PHLPP2: variants seen among roughly 807,000 people sequenced by gnomAD.
PHLPP2 encodes PH domain and leucine rich repeat protein phosphatase 2, also known as PH domain leucine-rich repeat-containing protein phosphatase 2.
In PHLPP2, 66 loss-of-function variants were observed where a neutral mutation model predicts 124.9. The ratio of observed to expected loss-of-function variants is 0.53; its 90% confidence interval spans 0.43 to 0.65. The LOEUF (loss-of-function observed/expected upper bound fraction) is 0.65. PHLPP2 is among the 30% of genes least tolerant of loss of function. The pLI is 0.00. For missense variants in PHLPP2, 1,685 were observed against 1,600.4 expected (o/e 1.05, Z -0.90); for synonymous variants, 681 against 624.7 (o/e 1.09, Z -1.34).
chr16:71,667,588 C>T (rs1181728551), intron 11 of PHLPP2, among the ~76,000 whole-genome samples: 2 of 152,128 alleles, frequency 1.3e-5, no homozygotes, highest in Non-Finnish European at 2.9e-5. Context: ...GAGATCTATA[C>T]TAAAAAGGCA....
intron 3 of PHLPP2, among the ~76,000 whole-genome samples, chr16:71,692,338 G>GGATT (rs918687464): frequency 2.0e-5 from 3 of 152,018 alleles, no homozygotes; most frequent in Non-Finnish European, 2.9e-5. Context: ...CAAAGTGCTG[G>GGATT]GATTACAAGT....
At chr16:71,714,289 C>T (rs889484125) in intron 2 of PHLPP2, among the ~76,000 whole-genome samples, 2 of 152,070 alleles carry the variant, frequency 1.3e-5, no homozygotes, top group Admixed American at 1.3e-4. Context: ...GATATCTGAC[C>T]TATGGTGTAT....
chr16:71,717,831 T>C (rs1354638700), intron 1 of PHLPP2, among the ~76,000 whole-genome samples: 1 of 152,202 alleles, frequency 6.6e-6, no homozygotes, highest in Non-Finnish European at 1.5e-5. Flanking sequence ...AGAACAACTT[T>C]CTAAGGTCAA....
chr16:71,653,839 T>C (rs537084168), intron 17 of PHLPP2, among the ~76,000 whole-genome samples: 1 of 152,272 alleles, frequency 6.6e-6, no homozygotes, highest in East Asian at 1.9e-4. Context: ...CTTTGTGTTA[T>C]GACAGATAAA....
chr16:71,672,670 T>C (rs1168256028), intron 9 of PHLPP2, among the ~76,000 whole-genome samples: 1 of 152,190 alleles, frequency 6.6e-6, no homozygotes. Flanking sequence ...ATAACAAAAA[T>C]ACAGAAGAGT....
chr16:71,672,178 T>G, intron 10 of PHLPP2, 84 bp downstream of exon 10: 1 of 908,922 alleles, frequency 1.1e-6, no homozygotes, highest in Admixed American at 2.1e-5. Context: ...TACTTAGATT[T>G]CTTGTACATC....
chr16:71,653,120 T>G, intron 17 of PHLPP2, 99 bp from the exon 18 acceptor site: 1 of 606,610 alleles, frequency 1.6e-6, no homozygotes, highest in Non-Finnish European at 2.7e-6. Flanking sequence ...TTTTTTTTTT[T>G]ACCATGTGAT....
chr16:71,714,151 G>A (rs2045342123), intron 2 of PHLPP2, among the ~76,000 whole-genome samples: 1 of 152,008 alleles, frequency 6.6e-6, no homozygotes, highest in Non-Finnish European at 1.5e-5. Flanking sequence ...TGTTGACCAG[G>A]CTGGTCTCGA....
intron 1 of PHLPP2, among the ~76,000 whole-genome samples, chr16:71,717,171 G>A (rs999435126): frequency 6.6e-6 from 1 of 152,186 alleles, no homozygotes; most frequent in South Asian, 2.1e-4. Context: ...AATACTTTCA[G>A]TAGTATTCCT....
chr16:71,668,458 G>A (rs181108274), intron 11 of PHLPP2, among the ~76,000 whole-genome samples: 15 of 146,986 alleles, frequency 1.0e-4, no homozygotes, highest in African/African-American at 3.7e-4. Context: ...GAAGGCTCTG[G>A]AGTAAAAACG....
intron 5 of PHLPP2, among the ~76,000 whole-genome samples, chr16:71,683,200 T>C (rs2045019791): frequency 2.6e-5 from 4 of 151,830 alleles, no homozygotes. Flanking sequence ...AAGTCATTCA[T>C]GTTTTGATGG....
chr16:71,678,377 G>A, intron 8 of PHLPP2: 1 of 194,342 alleles, frequency 5.1e-6, no homozygotes, highest in Non-Finnish European at 1.1e-5. Context: ...AGGTGCGGTG[G>A]CTGTAATCCC....
intron 2 of PHLPP2, among the ~76,000 whole-genome samples, chr16:71,706,078 A>C (rs1414885931): frequency 6.6e-6 from 1 of 152,218 alleles, no homozygotes; most frequent in African/African-American, 2.4e-5. Context: ...AATATACTGC[A>C]AAACAGGTGT....
chr16:71,692,438 T>C (rs943750581), intron 3 of PHLPP2, among the ~76,000 whole-genome samples: 1 of 152,270 alleles, frequency 6.6e-6, no homozygotes, highest in Admixed American at 6.5e-5. Context: ...CTATTTAACT[T>C]AGGTATCACT....
At chr16:71,669,853 C>G (rs186020937) in intron 10 of PHLPP2, among the ~76,000 whole-genome samples, 3 of 152,098 alleles carry the variant, frequency 2.0e-5, no homozygotes, top group Non-Finnish European at 4.4e-5. Context: ...AATGTGAGCT[C>G]AAATAATTAG....
At chr16:71,714,375 G>C in intron 2 of PHLPP2, 137 bp downstream of exon 2, 1 of 1,158,714 alleles carries the variant, frequency 8.6e-7, no homozygotes, top group Non-Finnish European at 1.1e-6. Flanking sequence ...AGCCTTCCAA[G>C]GACAAATCTT....
At chr16:71,711,159 G>C (rs149369040) in intron 2 of PHLPP2, among the ~76,000 whole-genome samples, 1 of 151,710 alleles carries the variant, frequency 6.6e-6, no homozygotes, top group African/African-American at 2.4e-5. Context: ...GAGAAACCCC[G>C]TCTCTACTAA....
chr16:71,708,448 C>T (rs984962799), intron 2 of PHLPP2, among the ~76,000 whole-genome samples: 5 of 152,298 alleles, frequency 3.3e-5, no homozygotes, highest in African/African-American at 9.6e-5. Flanking sequence ...TCCTATAAAA[C>T]TGCCCCACCC....
chr16:71,696,943 G>A (rs758350317), intron 3 of PHLPP2, among the ~76,000 whole-genome samples: 1 of 152,104 alleles, frequency 6.6e-6, no homozygotes, highest in East Asian at 1.9e-4. Context: ...GGGAGGCCGA[G>A]GTAGGCGGAT....
Sources: allele counts gnomAD v4.1 joint callset (sites outside exome capture counted in the v4.1 genomes callset), GRCh38; gene constraint gnomAD v4.1.1; transcripts MANE v1.5; gene names NCBI Gene and HGNC (gene_info 2026-07-23, HGNC 2026-07-21).